Variants in PIWIL4 observed in about 807,000 individuals in gnomAD.
PIWIL4 encodes piwi like RNA-mediated gene silencing 4, also known as piwi-like protein 4.
Under a neutral mutation model 100.9 loss-of-function variants are expected in PIWIL4, and 50 were observed. That is an observed-to-expected ratio of 0.50 (90% CI 0.39 to 0.63). The LOEUF (loss-of-function observed/expected upper bound fraction) is 0.63, where lower values mean the gene tolerates loss of function less well. Among genes scored for constraint, PIWIL4 ranks in the 20% least tolerant of loss-of-function variants. The pLI, the probability that PIWIL4 is intolerant of heterozygous loss-of-function variation, is 0.00. For synonymous variants in PIWIL4, 342 were observed against 367.5 expected, an observed-to-expected ratio of 0.93 and a Z score of 0.79; for missense variants, 887 against 1,043.3, an observed-to-expected ratio of 0.85 and a Z score of 2.06.
chr11:94,571,033 A>AG (rs1591772169), intron 2 of PIWIL4, among the ~76,000 whole-genome samples: 1 of 152,170 alleles, frequency 6.6e-6, no homozygotes, highest in Non-Finnish European at 1.5e-5. Flanking sequence ...CCAGACTCTG[A>AG]GGGTCTGGTC....
chr11:94,600,410 C>T (rs1948619002), intron 11 of PIWIL4, among the ~76,000 whole-genome samples: 1 of 152,080 alleles, frequency 6.6e-6, no homozygotes, highest in Admixed American at 6.5e-5. Flanking sequence ...TCGGTAGGTT[C>T]CATGATGCCC....
At chr11:94,612,076 A>G (rs1418679505) in intron 15 of PIWIL4, among the ~76,000 whole-genome samples, 3 of 152,300 alleles carry the variant, frequency 2.0e-5, no homozygotes, top group Admixed American at 6.5e-5. Context: ...TTTGGTCTAA[A>G]GTATAATTCA....
rs200281918 is a variant in PIWIL4 at position 94,619,825 on chromosome 11, G to A, written c.2234G>A (p.Arg745His). 18 of 1,614,158 alleles carry A rather than the reference G, an allele frequency of 1.1e-5. No individual in the cohort carries two copies. The highest frequency in any genetic ancestry group is 8.9e-5 in the East Asian group (4 of 44,886). Residue 745 changes from arginine to histidine, a missense_variant, in exon 18 of 20, where the codon CGC becomes CAC. Coordinates refer to ENST00000299001, the MANE Select transcript of PIWIL4 (RefSeq NM_152431.3). ...CMPRFFTEMN[R>H]TVQNPPLGTV... ...CCACGATTCTTTACCGAAATGAACC[G>A]CACTGTACAGAACCCCCCACTTGGC...
Position 94,619,865 on chromosome 11 carries a change from A to G in PIWIL4, c.2274A>G (p.Ser758=). The G allele has an allele frequency of 6.2e-7, 1 of 1,614,242 alleles. No homozygotes were observed. The change falls in exon 18 of 20, where the codon TCA becomes TCG. Residue 758 remains serine (S), a synonymous_variant. Transcript: ENST00000299001. ...CCCCACTTGGCACTGTTGTGGATTC[A>G]GAAGCAACACGTAACGAATGGCAAG... The part of the protein sequence containing the change: ...QNPPLGTVVD[S]EATRNEWYDF...
chr11:94,569,390 G>T (rs967201469), intron 2 of PIWIL4, among the ~76,000 whole-genome samples: 16 of 151,148 alleles, frequency 1.1e-4, no homozygotes, highest in African/African-American at 3.2e-4. Flanking sequence ...TTGTTTGTTT[G>T]TTTTTGAGAT....
rs762392714 is a variant in PIWIL4, at chr11:94,593,535, A to G, written c.1044A>G (p.Val348=). 3.7e-6 allele frequency: 6 copies of G among 1,613,608 alleles called. No homozygotes were observed. In the Admixed American group the frequency reaches 6.7e-5, roughly 18 times the overall value. Residue 348 remains valine, a synonymous_variant, in exon 9 of 20, where the codon GTA becomes GTG. Coordinates refer to ENST00000299001, the MANE Select transcript of PIWIL4 (RefSeq NM_152431.3). ...DYYKQQYDIT[V]SDLNQPMLVS... ...TTTTATAGCAGTATGATATTACTGT[A>G]TCGGACCTGAATCAGCCCATGCTTG...
chr11:94,597,574 T>C (rs1948573058), intron 10 of PIWIL4, among the ~76,000 whole-genome samples: 1 of 152,234 alleles, frequency 6.6e-6, no homozygotes, highest in Admixed American at 6.5e-5. Flanking sequence ...CAGGTCTGTC[T>C]GGCTCGAAAG....
At chr11:94,584,989 C>T (rs763463169) in intron 5 of PIWIL4, among the ~76,000 whole-genome samples, 2 of 152,150 alleles carry the variant, frequency 1.3e-5, no homozygotes, top group East Asian at 1.9e-4. Flanking sequence ...TCGCTTAACC[C>T]GGGAGGCGGA....
Position 94,583,479 on chromosome 11 carries a change from G to A in PIWIL4, c.545G>A (p.Gly182Asp). Residue 182 changes from glycine (G) to aspartate (D), a missense_variant, in exon 5 of 20, where the codon GGT becomes GAT. Coordinates refer to ENST00000299001, the MANE Select transcript of PIWIL4 (RefSeq NM_152431.3). Reference sequence around the variant, plus strand: ...GAGTTGTCAAGTGAAACTCAAAGAGGTGAGACTATAAAGATGACTATCACC... The same window carrying A: ...GAGTTGTCAAGTGAAACTCAAAGAGATGAGACTATAAAGATGACTATCACC... ...VTELSSETQR[G>D]ETIKMTITLK... is the part of the protein sequence containing the mutation. 1 of 1,613,858 alleles carries A rather than the reference G, an allele frequency of 6.2e-7. No homozygotes were observed. Among genetic ancestry groups the A allele is most frequent in the Non-Finnish European group, 8.5e-7 (1 of 1,179,780 alleles).
intron 13 of PIWIL4, 48 bp downstream of exon 13, chr11:94,604,104 C>G (rs1173488443): frequency 7.9e-7 from 1 of 1,270,124 alleles, no homozygotes; most frequent in Middle Eastern, 1.9e-4. Flanking sequence ...AATTTTAGTT[C>G]TGCTTTATAT....
chr11:94,585,535 T>G lies in PIWIL4; in HGVS notation c.716+10T>G. The G allele has an allele frequency of 6.3e-7, 1 of 1,585,958 alleles. No individual in the cohort carries two copies. Among genetic ancestry groups the G allele is most frequent in the Non-Finnish European group, 8.6e-7 (1 of 1,160,848 alleles). ...AAATTCCCCAGCACAAGTAGGTTTA[T>G]TTATATTTTCTGTTACTCCGAAATT... On this transcript the variant is annotated intron_variant, in intron 6 of 19. Coordinates refer to ENST00000299001, the MANE Select transcript of PIWIL4 (RefSeq NM_152431.3).
intron 7 of PIWIL4, among the ~76,000 whole-genome samples, chr11:94,588,410 G>C (rs540748800): frequency 6.6e-6 from 1 of 152,288 alleles, no homozygotes; most frequent in Admixed American, 6.5e-5. Flanking sequence ...GGTGGGACTG[G>C]CTGGATTCCA....
chr11:94,593,437 G>C, intron 8 of PIWIL4, 81 bp from the exon 9 acceptor site: 2 of 1,387,132 alleles, frequency 1.4e-6, no homozygotes, highest in Non-Finnish European at 2.0e-6. Context: ...TTAATGTTAG[G>C]ATCACCTTGT....
At position 94,567,399 on chromosome 11, in the gene PIWIL4, C is replaced by G. The variant is rs1948089071; in HGVS notation, c.-120C>G. On this transcript the variant is annotated 5_prime_UTR_variant, in exon 1 of 20. Coordinates refer to ENST00000299001, the MANE Select transcript of PIWIL4 (RefSeq NM_152431.3). ...CCAGCCCCGGCGTTGGTTGTGGATG[C>G]TGGACATCCACCGCCTCCAGGCAGT... 3.3e-6 allele frequency: 3 copies of G among 911,996 alleles called. No individual in the cohort carries two copies. The highest frequency in any genetic ancestry group is 3.0e-5 in the Admixed American group (1 of 33,036). 56.5% of individuals were successfully genotyped at this position (911,996 alleles called of 1,614,324 possible). A position where few individuals can be genotyped will look rare whatever the true frequency, so the allele number is the denominator to read the frequency against.
At chr11:94,574,684 G>A (rs199651877) in intron 2 of PIWIL4, among the ~76,000 whole-genome samples, 6 of 152,046 alleles carry the variant, frequency 3.9e-5, no homozygotes, top group African/African-American at 1.5e-4. Flanking sequence ...GTTTCAACAC[G>A]TTGCCCAGGC....
At chr11:94,569,105 T>C (rs143218084) in intron 2 of PIWIL4, among the ~76,000 whole-genome samples, 10 of 152,354 alleles carry the variant, frequency 6.6e-5, no homozygotes, top group Admixed American at 3.9e-4. Context: ...TATATACGAA[T>C]ACCATTTGAT....
chr11:94,584,513 T>C lies in PIWIL4; in HGVS notation c.636-932T>C, dbSNP rs571207936. On this transcript the variant is annotated intron_variant, in intron 5 of 19. Coordinates refer to ENST00000299001, the MANE Select transcript of PIWIL4 (RefSeq NM_152431.3). ...GCTGACATTTGGAAGATGCTTTCAG[T>C]GAGAAAGTTCTTTCACTTGTCTTTT... Among the ~76,000 whole-genome samples the C allele has an allele frequency of 1.7e-4, 26 of 152,354 alleles. No individual in the cohort carries two copies. The East Asian group carries it at 5.0e-3, about 29-fold the overall frequency.
chr11:94,570,042 T>A (rs1202359525), intron 2 of PIWIL4, among the ~76,000 whole-genome samples: 1 of 152,202 alleles, frequency 6.6e-6, no homozygotes, highest in Non-Finnish European at 1.5e-5. Context: ...AAACCTGGTA[T>A]CTACCAGTGC....
At position 94,595,370 on chromosome 11, in the gene PIWIL4, T is replaced by A. The variant is rs1565277223; in HGVS notation, c.1212T>A (p.Arg404=). 1.2e-6 allele frequency: 2 copies of A among 1,613,954 alleles called. No homozygotes were observed. Among genetic ancestry groups the A allele is most frequent in the South Asian group, 2.2e-5 (2 of 91,092 alleles). Residue 404 remains arginine (R), a synonymous_variant, in exon 10 of 20, where the codon CGT becomes CGA. Coordinates refer to ENST00000299001, the MANE Select transcript of PIWIL4 (RefSeq NM_152431.3). ...QLMKAVAEKT[R]LSPSGRQQRL... ...TGAAGGCTGTGGCTGAAAAGACACG[T>A]CTCAGTCCTTCAGGCCGGCAGCAGC...
Sources: gnomAD v4.1 joint callset for allele counts (sites outside exome capture counted in the v4.1 genomes callset) on GRCh38, gnomAD v4.1.1 for gene constraint, MANE v1.5 for transcripts, NCBI Gene and HGNC (gene_info 2026-07-23, HGNC 2026-07-21) for gene names.